The following SLC25A26 variants were observed in gnomAD, a reference collection of about 807,000 sequenced individuals.
The protein encoded by SLC25A26 is solute carrier family 25 member 26.
SLC25A26 carries 36 observed loss-of-function variants against 37.8 expected under a neutral mutation model. The ratio of observed to expected loss-of-function variants is 0.95; its 90% CI spans 0.73 to 1.26. The LOEUF is 1.26. Among genes scored for constraint, SLC25A26 ranks in the 50% most tolerant of loss-of-function variants. The pLI is 0.00. For synonymous variants in SLC25A26, 129 were observed against 122.5 expected (o/e 1.05, Z -0.35); for missense variants, 390 against 331.1 (o/e 1.18, Z -1.38).
intron 3 of SLC25A26, among the ~76,000 whole-genome samples, chr3:66,259,562 C>T (rs376066659): frequency 1.3e-5 from 2 of 152,198 alleles, no homozygotes; most frequent in Non-Finnish European, 2.9e-5. Context: ...TACTTCTTCA[C>T]TCCTTAACCT....
intron 6 of SLC25A26, among the ~76,000 whole-genome samples, chr3:66,353,643 G>GC (rs2076510439): frequency 6.6e-6 from 1 of 152,212 alleles, no homozygotes; most frequent in Non-Finnish European, 1.5e-5. Flanking sequence ...ATTCCTTAAT[G>GC]ATGACATGTA....
At chr3:66,269,748 G>A (rs1017401632) in intron 5 of SLC25A26, among the ~76,000 whole-genome samples, 4 of 152,130 alleles carry the variant, frequency 2.6e-5, no homozygotes, top group Admixed American at 1.3e-4. Flanking sequence ...GCTCATAAGG[G>A]AGAATTTTCC....
chr3:66,346,343 A>AT (rs770511655), intron 5 of SLC25A26, 21 bp from the exon 6 acceptor site: 8,323 of 1,300,966 alleles, frequency 6.4e-3, no homozygotes, highest in Non-Finnish European at 7.1e-3. Context: ...AATTTATTTA[A>AT]TTTTTTTTTT....
chr3:66,133,715 G>A (rs2069904900), exon 1 of SLC25A26: 1 of 152,200 alleles, frequency 6.6e-6, no homozygotes, highest in Admixed American at 6.5e-5. Flanking sequence ...AGGATGAAGG[G>A]CTGAGATGAT....
At chr3:66,258,059 C>T (rs2107250818) in intron 3 of SLC25A26, among the ~76,000 whole-genome samples, 1 of 152,304 alleles carries the variant, frequency 6.6e-6, no homozygotes, top group South Asian at 2.1e-4. Flanking sequence ...TTGGCAGACA[C>T]TGTTGCCTTC....
At chr3:66,134,466 A>G (rs868166508) in intron 1 of SLC25A26, among the ~76,000 whole-genome samples, 6 of 152,208 alleles carry the variant, frequency 3.9e-5, no homozygotes, top group African/African-American at 1.4e-4. Flanking sequence ...GAACCAGCCA[A>G]TCTGGGGCCA....
At chr3:66,288,833 T>C (rs2074604421) in intron 5 of SLC25A26, among the ~76,000 whole-genome samples, 1 of 152,178 alleles carries the variant, frequency 6.6e-6, no homozygotes, top group Non-Finnish European at 1.5e-5. Flanking sequence ...ATCTGTTGGG[T>C]ATATACCCAG....
intron 3 of SLC25A26, among the ~76,000 whole-genome samples, chr3:66,247,394 A>C (rs1392347856): frequency 6.6e-6 from 1 of 152,066 alleles, no homozygotes; most frequent in Non-Finnish European, 1.5e-5. Flanking sequence ...TGTAGCCTGT[A>C]ACTTCTGGGC....
chr3:66,230,114 T>A (rs1030990658), intron 1 of SLC25A26, among the ~76,000 whole-genome samples: 1 of 152,240 alleles, frequency 6.6e-6, no homozygotes, highest in East Asian at 1.9e-4. Context: ...CAAAGTGTTA[T>A]CTCATCATCC....
At chr3:66,185,081 A>C (rs1475962343) in intron 1 of SLC25A26, among the ~76,000 whole-genome samples, 1 of 152,130 alleles carries the variant, frequency 6.6e-6, no homozygotes, top group African/African-American at 2.4e-5. Flanking sequence ...ATCTCACAAA[A>C]CTGAAACTCT....
intron 5 of SLC25A26, among the ~76,000 whole-genome samples, chr3:66,329,021 GT>G (rs2075907606): frequency 6.6e-6 from 1 of 152,148 alleles, no homozygotes; most frequent in Non-Finnish European, 1.5e-5. Flanking sequence ...TGTGAAGTAT[GT>G]AAAGTGCTTC....
At chr3:66,234,044 C>T (rs2072157298) in intron 1 of SLC25A26, among the ~76,000 whole-genome samples, 1 of 152,178 alleles carries the variant, frequency 6.6e-6, no homozygotes, top group Non-Finnish European at 1.5e-5. Context: ...TCTATTCTCT[C>T]TGTATTTTGA....
At chr3:66,312,764 G>A (rs923900550) in intron 5 of SLC25A26, among the ~76,000 whole-genome samples, 1 of 152,176 alleles carries the variant, frequency 6.6e-6, no homozygotes, top group South Asian at 2.1e-4. Flanking sequence ...TAGTTCCCTG[G>A]CCCCTAGTGC....
At chr3:66,277,765 A>G (rs1475961275) in intron 5 of SLC25A26, among the ~76,000 whole-genome samples, 4 of 152,290 alleles carry the variant, frequency 2.6e-5, no homozygotes, top group Non-Finnish European at 5.9e-5. Context: ...TAGCATCACC[A>G]GTAATAAGAT....
chr3:66,194,416 A>T (rs1215839085), intron 1 of SLC25A26, among the ~76,000 whole-genome samples: 1 of 152,184 alleles, frequency 6.6e-6, no homozygotes, highest in Non-Finnish European at 1.5e-5. Context: ...ACTGCACTGA[A>T]GTACTTTTAC....
chr3:66,198,365 A>G (rs1205891040), intron 1 of SLC25A26, among the ~76,000 whole-genome samples: 1 of 152,020 alleles, frequency 6.6e-6, no homozygotes, highest in Non-Finnish European at 1.5e-5. Context: ...ACTGCAGTTC[A>G]TGAACGGAGT....
intron 5 of SLC25A26, chr3:66,323,705 T>C (rs1174138966): frequency 1.3e-5 from 2 of 152,090 alleles, no homozygotes; most frequent in Non-Finnish European, 2.9e-5. Flanking sequence ...TCCCAGCCAT[T>C]TGGGGGGCTC....
chr3:66,362,159 C>T (rs1332967476), intron 6 of SLC25A26, among the ~76,000 whole-genome samples: 1 of 152,028 alleles, frequency 6.6e-6, no homozygotes, highest in Non-Finnish European at 1.5e-5. Flanking sequence ...CATATAACTC[C>T]CATGTGATCT....
intron 1 of SLC25A26, among the ~76,000 whole-genome samples, chr3:66,143,920 C>T (rs556499465): frequency 2.6e-5 from 4 of 152,022 alleles, no homozygotes; most frequent in Non-Finnish European, 5.9e-5. Flanking sequence ...AACAGCAAAG[C>T]CTTAAACCAA....
Sources: allele counts gnomAD v4.1 joint callset (sites outside exome capture counted in the v4.1 genomes callset), GRCh38; gene constraint gnomAD v4.1.1; transcripts MANE v1.5; gene names NCBI Gene and HGNC (gene_info 2026-07-23, HGNC 2026-07-21).